The following SCN11A variants were observed in gnomAD, a reference collection of about 807,000 sequenced individuals.
SCN11A encodes the protein sodium voltage-gated channel alpha subunit 11.
A neutral mutation model predicts 162.2 loss-of-function variants in SCN11A; 122 were observed. The observed-to-expected ratio is 0.75, with a 90% CI of 0.65 to 0.87. SCN11A has a LOEUF of 0.87. SCN11A is among the 40% of genes least tolerant of loss of function. SCN11A has a pLI of 0.00. For synonymous variants in SCN11A, 758 were observed against 751.5 expected (o/e 1.01, Z -0.14); for missense variants, 2,015 against 2,181.6 (o/e 0.92, Z 1.52).
intron 22 of SCN11A, 41 bp downstream of exon 22, chr3:38,883,192 G>A (rs1476992492): frequency 2.5e-6 from 4 of 1,574,096 alleles, no homozygotes. Context: ...TTCCCCAGCT[G>A]CCCTGATGCC....
intron 1 of SCN11A, among the ~76,000 whole-genome samples, chr3:39,042,269 C>CA (rs201366651): frequency 0.012 from 1,807 of 151,972 alleles, 35 homozygotes; most frequent in African/African-American, 0.041. Flanking sequence ...ACTCCATCTC[C>CA]AAAAAAACCC....
intron 11 of SCN11A, 76 bp from the exon 12 acceptor site, chr3:38,910,283 T>C: frequency 1.4e-6 from 2 of 1,475,742 alleles, no homozygotes; most frequent in Non-Finnish European, 1.8e-6. Context: ...ACGACTCTGG[T>C]TTTTCCAAGG....
chr3:39,017,221 A>G (rs930198769), intron 2 of SCN11A, among the ~76,000 whole-genome samples: 3 of 152,200 alleles, frequency 2.0e-5, no homozygotes, highest in Non-Finnish European at 4.4e-5. Context: ...TGCAAACCAG[A>G]AAGTGAGCTC....
intron 20 of SCN11A, 23 bp downstream of exon 20, chr3:38,886,102 T>G: frequency 6.6e-7 from 1 of 1,511,582 alleles, no homozygotes; most frequent in South Asian, 1.1e-5. Context: ...CAAGTTCCTC[T>G]GACAACATCC....
chr3:38,870,585 G>A, intron 26 of SCN11A, 106 bp downstream of exon 26: 1 of 890,370 alleles, frequency 1.1e-6, no homozygotes, highest in Non-Finnish European at 1.8e-6. Context: ...ACAAGGCAGA[G>A]AACCCCAGCT....
chr3:39,028,620 G>A (rs1327146239), intron 2 of SCN11A, among the ~76,000 whole-genome samples: 2 of 152,182 alleles, frequency 1.3e-5, no homozygotes, highest in African/African-American at 4.8e-5. Flanking sequence ...TCACAGTTCT[G>A]GAGACTGAGA....
chr3:38,988,441 C>T (rs1486507435), intron 2 of SCN11A, among the ~76,000 whole-genome samples: 4 of 152,166 alleles, frequency 2.6e-5, no homozygotes, highest in Admixed American at 1.3e-4. Flanking sequence ...ACAGTTCTCT[C>T]CCCGTCTGCA....
Position 38,955,828 on chromosome 3 carries a change from C to G in SCN11A, c.-138-2069G>C, listed in dbSNP as rs556391649. Among the ~76,000 whole-genome samples, 3 of 152,284 alleles carry G rather than the reference C, an allele frequency of 2.0e-5. No individual in the cohort carries two copies. In the South Asian group the frequency reaches 6.2e-4, roughly 32 times the overall value. ...TCAGAAAAGCAGGATGCATGGAATC[C>G]AAGACATTATGTCCTTAACCGAAGA... On this transcript the variant is annotated intron_variant, in intron 3 of 29. Coordinates refer to ENST00000302328, the MANE Select transcript of SCN11A (RefSeq NM_001349253.2).
At chr3:39,007,140 A>G (rs966891639) in intron 2 of SCN11A, among the ~76,000 whole-genome samples, 3 of 152,206 alleles carry the variant, frequency 2.0e-5, no homozygotes, top group South Asian at 2.1e-4. Context: ...ATACCAAGAC[A>G]TATCACTGGG....
intron 27 of SCN11A, among the ~76,000 whole-genome samples, chr3:38,865,033 G>A (rs2065019800): frequency 6.6e-6 from 1 of 152,114 alleles, no homozygotes; most frequent in South Asian, 2.1e-4. Flanking sequence ...TTTAAAAAGA[G>A]ATGTGTTCTA....
intron 7 of SCN11A, among the ~76,000 whole-genome samples, chr3:38,937,610 A>C (rs1361457050): frequency 6.6e-6 from 1 of 151,414 alleles, no homozygotes; most frequent in Non-Finnish European, 1.5e-5. Flanking sequence ...CAGCCAAAAA[A>C]CACATGAAAA....
intron 27 of SCN11A, 37 bp from the exon 28 acceptor site, chr3:38,863,336 G>GT (rs747199914): frequency 0.012 from 10,909 of 908,486 alleles, no homozygotes; most frequent in South Asian, 0.015. Context: ...ACCTTTAACA[G>GT]TTTTTTTTTT....
chr3:38,896,895 A>C lies in SCN11A; in HGVS notation c.2353T>G (p.Ser785Ala). The C allele has an allele frequency of 6.2e-7, 1 of 1,612,848 alleles. No homozygotes were observed. Among genetic ancestry groups the C allele is most frequent in the Non-Finnish European group, 8.5e-7 (1 of 1,179,422 alleles). ...ECMQEANASS[S>A]LCVIVFILIT... Reference sequence around the variant, plus strand: ...AATATGAAGACAATAACACACAATGATGATGATGCATTCGCTTCTTGCATA... The same window carrying C: ...AATATGAAGACAATAACACACAATGCTGATGATGCATTCGCTTCTTGCATA... The change falls in exon 18 of 30, where the codon TCA (serine) becomes GCA (alanine). Residue 785 changes from serine (S) to alanine (A), a missense_variant. By Grantham distance (99) the Ser-to-Ala change is moderately conservative (BLOSUM62 1). Coordinates refer to ENST00000302328, the MANE Select transcript of SCN11A (RefSeq NM_001349253.2).
chr3:38,951,815 A>G (rs957936108), intron 4 of SCN11A, among the ~76,000 whole-genome samples: 1 of 152,082 alleles, frequency 6.6e-6, no homozygotes, highest in African/African-American at 2.4e-5. Flanking sequence ...GAACCTTTGT[A>G]TCTAGCTCAG....
At chr3:38,913,965 G>A (rs1000101796) in intron 11 of SCN11A, among the ~76,000 whole-genome samples, 1 of 152,094 alleles carries the variant, frequency 6.6e-6, no homozygotes, top group Admixed American at 6.6e-5. Context: ...GGATTGCCTT[G>A]GGTATTTGGG....
chr3:38,910,086 A>G lies in SCN11A; in HGVS notation c.1081T>C (p.Trp361Arg). 1 of 1,613,916 alleles carries G rather than the reference A, an allele frequency of 6.2e-7. No homozygotes were observed. Among genetic ancestry groups the G allele is most frequent in the Non-Finnish European group, 8.5e-7 (1 of 1,179,896 alleles). ...ATAACCTGTTGATAAAGCTTCTCCC[A>G]GGAATCTTGGGTCATCAGCCGGAAC... ...AMFRLMTQDS[W>R]EKLYQQTLRT... is the part of the protein sequence containing the mutation. Residue 361 changes from tryptophan to arginine, a missense_variant, in exon 12 of 30, where the codon TGG (tryptophan) becomes CGG (arginine). Physicochemically the swap from Trp to Arg is moderately radical, Grantham distance 101. Coordinates refer to ENST00000302328, the MANE Select transcript of SCN11A (RefSeq NM_001349253.2).
rs752619036 is a variant in SCN11A at position 38,894,984 on chromosome 3, C to G, written c.2404-20G>C. 2 of 1,564,428 alleles carry G rather than the reference C, an allele frequency of 1.3e-6. No homozygotes were observed. Among genetic ancestry groups the G allele is most frequent in the East Asian group, 4.5e-5 (2 of 44,306 alleles). ...GAGCACCTGGGAATGGGGTGGGTAG[C>G]AAGAAGAAAGGAAAGTTTAGCAAAG... On this transcript the variant is annotated intron_variant, in intron 18 of 29. Transcript: ENST00000302328.
chr3:38,929,306 A>T (rs2066202505), intron 7 of SCN11A, among the ~76,000 whole-genome samples: 1 of 152,194 alleles, frequency 6.6e-6, no homozygotes, highest in Non-Finnish European at 1.5e-5. Context: ...AACATGTATA[A>T]ACCTTGAAAT....
intron 19 of SCN11A, among the ~76,000 whole-genome samples, chr3:38,889,900 AC>A (rs1473066454): frequency 3.3e-5 from 5 of 151,776 alleles, no homozygotes; most frequent in Non-Finnish European, 4.4e-5. Flanking sequence ...ATCATCAAAA[AC>A]AATCCCATTT....
Sources: allele counts gnomAD v4.1 joint callset (sites outside exome capture counted in the v4.1 genomes callset), GRCh38; gene constraint gnomAD v4.1.1; transcripts MANE v1.5; gene names NCBI Gene and HGNC (gene_info 2026-07-23, HGNC 2026-07-21).